The following CPQ variants were observed in gnomAD, a reference collection of about 807,000 sequenced individuals.
CPQ encodes the protein carboxypeptidase Q, also known as Ser-Met dipeptidase.
CPQ carries 37 observed loss-of-function variants against 45.7 expected under a neutral mutation model. That is an observed-to-expected ratio of 0.81 (90% confidence interval 0.62 to 1.07). CPQ has a LOEUF of 1.07. CPQ is among the 50% of genes least tolerant of loss of function. The pLI, the probability that CPQ is intolerant of heterozygous loss-of-function variation, is 0.00. For missense variants in CPQ, 537 were observed against 572.9 expected (o/e 0.94, Z 0.64); for synonymous variants, 186 against 205.8 (o/e 0.90, Z 0.82).
chr8:96,843,822 C>T lies in CPQ; in HGVS notation c.641+8642C>T, dbSNP rs201686782. 9.8e-5 allele frequency among the ~76,000 whole-genome samples: 15 copies of T among 152,310 alleles called. No homozygotes were observed. In the East Asian group the frequency reaches 2.9e-3, roughly 29 times the overall value. On this transcript the variant is annotated intron_variant, in intron 3 of 7. Coordinates refer to ENST00000220763, the MANE Select transcript of CPQ (RefSeq NM_016134.4). ...TCATCAAAAATGGAATCTCTGGAAT[C>T]TGAGAGGAGACTATATAGTTATGTA...
chr8:97,123,277 G>A (rs1811789309), intron 7 of CPQ, among the ~76,000 whole-genome samples: 1 of 142,406 alleles, frequency 7.0e-6, no homozygotes. Flanking sequence ...AAAATAGTGA[G>A]TAAATATAAA....
chr8:97,130,528 G>A (rs1295080844), intron 7 of CPQ, among the ~76,000 whole-genome samples: 1 of 149,016 alleles, frequency 6.7e-6, no homozygotes, highest in African/African-American at 2.5e-5. Context: ...TGGCTACTGA[G>A]AATAATCACT....
chr8:96,771,307 A>G (rs976463632), intron 1 of CPQ, among the ~76,000 whole-genome samples: 8 of 151,930 alleles, frequency 5.3e-5, no homozygotes, highest in Non-Finnish European at 7.4e-5. Context: ...CAACTCTAGT[A>G]GAATGTCAAA....
intron 1 of CPQ, among the ~76,000 whole-genome samples, chr8:96,748,848 A>G (rs920711425): frequency 6.6e-6 from 1 of 152,142 alleles, no homozygotes; most frequent in Non-Finnish European, 1.5e-5. Flanking sequence ...CTGTTAGGTA[A>G]CAGGACCTGT....
intron 4 of CPQ, among the ~76,000 whole-genome samples, chr8:96,947,464 G>A (rs1194666590): frequency 6.6e-6 from 1 of 152,048 alleles, no homozygotes; most frequent in Non-Finnish European, 1.5e-5. Context: ...GATTACTGTA[G>A]CTTTGTAATA....
chr8:97,086,533 G>A (rs1811043669), intron 7 of CPQ, among the ~76,000 whole-genome samples: 1 of 152,028 alleles, frequency 6.6e-6, no homozygotes, highest in South Asian at 2.1e-4. Context: ...TACATTCTCA[G>A]GATTATGTTG....
intron 1 of CPQ, among the ~76,000 whole-genome samples, chr8:96,647,491 ATCT>A (rs1815531342): frequency 6.6e-6 from 1 of 152,180 alleles, no homozygotes; most frequent in Non-Finnish European, 1.5e-5. Flanking sequence ...GTCCTATTTG[ATCT>A]TCTTAACTAG....
intron 2 of CPQ, among the ~76,000 whole-genome samples, chr8:96,788,132 T>C (rs185442848): frequency 7.3e-5 from 11 of 151,712 alleles, no homozygotes; most frequent in African/African-American, 2.7e-4. Flanking sequence ...CCCATTGCCT[T>C]CTGGACTCCA....
rs181656567 is a variant in CPQ at position 96,784,369 on chromosome 8, A to G, written c.-34-495A>G. ...CATAAGCATAAAGTACTTTTCAAGC[A>G]CAGATGAAGAAGCAATTATTGTTCT... On this transcript the variant is annotated intron_variant, in intron 1 of 7. Transcript: ENST00000220763. Among the ~76,000 whole-genome samples the G allele has an allele frequency of 4.4e-3, 667 of 150,546 alleles. 6 individuals carry two copies. Among genetic ancestry groups the G allele is most frequent in the African/African-American group, 0.015 (627 of 40,902 alleles).
intron 4 of CPQ, among the ~76,000 whole-genome samples, chr8:96,942,294 A>T (rs1237712425): frequency 2.0e-5 from 3 of 152,098 alleles, no homozygotes; most frequent in African/African-American, 7.2e-5. Flanking sequence ...TGCAAACCTT[A>T]CTCCTTAGCC....
chr8:96,989,911 T>C (rs1001438406), intron 5 of CPQ, among the ~76,000 whole-genome samples: 1 of 152,126 alleles, frequency 6.6e-6, no homozygotes, highest in African/African-American at 2.4e-5. Flanking sequence ...ATGCAAGACA[T>C]GGCCCATAGT....
At chr8:96,799,588 A>G (rs1214307161) in intron 2 of CPQ, among the ~76,000 whole-genome samples, 1 of 152,174 alleles carries the variant, frequency 6.6e-6, no homozygotes, top group Non-Finnish European at 1.5e-5. Flanking sequence ...TCTGACTACA[A>G]AGTGTCAGAG....
chr8:96,751,849 T>C (rs1586386815), intron 1 of CPQ, among the ~76,000 whole-genome samples: 1 of 152,372 alleles, frequency 6.6e-6, no homozygotes, highest in Non-Finnish European at 1.5e-5. Flanking sequence ...TTCAATTTTC[T>C]GCATATGGCT....
chr8:96,851,084 C>G (rs1338505648), intron 3 of CPQ, among the ~76,000 whole-genome samples: 1 of 151,872 alleles, frequency 6.6e-6, no homozygotes, highest in Admixed American at 6.5e-5. Context: ...TTGGATGCTT[C>G]ATAAATATCA....
At chr8:96,718,406 A>C (rs1412171118) in intron 1 of CPQ, among the ~76,000 whole-genome samples, 3 of 152,000 alleles carry the variant, frequency 2.0e-5, no homozygotes, top group African/African-American at 7.3e-5. Context: ...GTGAAGCTGC[A>C]GACCTTCGCG....
At chr8:96,903,844 G>A (rs748120465) in intron 4 of CPQ, among the ~76,000 whole-genome samples, 13 of 152,148 alleles carry the variant, frequency 8.5e-5, no homozygotes, top group Non-Finnish European at 1.6e-4. Flanking sequence ...AAAAAAATAT[G>A]GCATGAGAGC....
chr8:97,055,871 G>A (rs1810447044), intron 6 of CPQ, among the ~76,000 whole-genome samples: 1 of 152,118 alleles, frequency 6.6e-6, no homozygotes, highest in African/African-American at 2.4e-5. Flanking sequence ...AGGCCAAAGT[G>A]GGTGGATCAC....
intron 2 of CPQ, among the ~76,000 whole-genome samples, chr8:96,823,786 T>C (rs1811341307): frequency 6.6e-6 from 1 of 152,026 alleles, no homozygotes; most frequent in Admixed American, 6.6e-5. Context: ...AAGTAAAACA[T>C]TTAGAGCAGT....
intron 6 of CPQ, among the ~76,000 whole-genome samples, chr8:97,058,878 C>A (rs1334552081): frequency 2.6e-5 from 4 of 151,962 alleles, no homozygotes; most frequent in Non-Finnish European, 5.9e-5. Flanking sequence ...CTATGTAAGC[C>A]TTTTTTTAAG....
Sources: allele counts gnomAD v4.1 joint callset (sites outside exome capture counted in the v4.1 genomes callset), GRCh38; gene constraint gnomAD v4.1.1; transcripts MANE v1.5; gene names NCBI Gene and HGNC (gene_info 2026-07-23, HGNC 2026-07-21).